The following GALNT13 variants were observed in gnomAD, a reference collection of about 807,000 sequenced individuals.
GALNT13 encodes the protein polypeptide N-acetylgalactosaminyltransferase 13.
A neutral mutation model predicts 64.2 loss-of-function variants in GALNT13; 28 were observed. The observed-to-expected ratio is 0.44, with a 90% CI of 0.32 to 0.60. GALNT13 has a LOEUF of 0.60. GALNT13 is among the 20% of genes least tolerant of loss of function. The pLI, the probability that GALNT13 is intolerant of heterozygous loss-of-function variation, is 0.05. For missense variants in GALNT13, 577 were observed against 669.8 expected, an observed-to-expected ratio of 0.86 and a Z score of 1.53; for synonymous variants, 214 against 224.6, an observed-to-expected ratio of 0.95 and a Z score of 0.42.
At chr2:154,129,969 CA>C (rs1193134552) in intron 3 of GALNT13, among the ~76,000 whole-genome samples, 2 of 152,078 alleles carry the variant, frequency 1.3e-5, no homozygotes, top group African/African-American at 4.8e-5. Context: ...ACACAGTGCT[CA>C]GTCAAATTTC....
the GALNT13 span, among the ~76,000 whole-genome samples, chr2:153,828,941 A>G: frequency 6.6e-6 from 1 of 152,118 alleles, no homozygotes; most frequent in Non-Finnish European, 1.5e-5. Flanking sequence ...AATTCCACAA[A>G]TCTCTCAGGC....
At chr2:154,142,885 C>T (rs1343076188) in intron 4 of GALNT13, among the ~76,000 whole-genome samples, 1 of 151,616 alleles carries the variant, frequency 6.6e-6, no homozygotes, top group Non-Finnish European at 1.5e-5. Context: ...TTTAAAAGTA[C>T]ATACAATAAG....
intron 3 of GALNT13, among the ~76,000 whole-genome samples, chr2:154,086,784 A>ACG (rs1488940909): frequency 6.7e-6 from 1 of 149,306 alleles, no homozygotes; most frequent in Admixed American, 6.7e-5. Context: ...ACACACACAC[A>ACG]CGCGCACGCG....
chr2:153,436,245 G>A, the GALNT13 span, among the ~76,000 whole-genome samples: 2 of 152,140 alleles, frequency 1.3e-5, no homozygotes, highest in Non-Finnish European at 2.9e-5. Context: ...TTTTATTGAG[G>A]ATTTTTGCAT....
the GALNT13 span, among the ~76,000 whole-genome samples, chr2:153,266,318 C>T: frequency 9.2e-5 from 14 of 152,138 alleles, no homozygotes; most frequent in Non-Finnish European, 1.6e-4. Context: ...TTAGAGAAAA[C>T]GTGCTTCCCT....
At chr2:153,451,320 ATGTAACATCATT>A in the GALNT13 span, among the ~76,000 whole-genome samples, 2 of 152,168 alleles carry the variant, frequency 1.3e-5, no homozygotes, top group African/African-American at 4.8e-5. Flanking sequence ...TCCAACCCAT[ATGTAACATCATT>A]TATTGTCACA....
At chr2:154,217,166 A>T (rs1344214986) in intron 4 of GALNT13, among the ~76,000 whole-genome samples, 1 of 151,992 alleles carries the variant, frequency 6.6e-6, no homozygotes, top group East Asian at 1.9e-4. Flanking sequence ...TTGGGGATTT[A>T]AAAAATATAC....
At chr2:153,371,308 T>C in the GALNT13 span, among the ~76,000 whole-genome samples, 2 of 152,200 alleles carry the variant, frequency 1.3e-5, no homozygotes, top group Non-Finnish European at 2.9e-5. Context: ...ACTACTCATA[T>C]TTAATATTGT....
At chr2:153,265,704 T>C in the GALNT13 span, among the ~76,000 whole-genome samples, 3 of 152,146 alleles carry the variant, frequency 2.0e-5, no homozygotes, top group South Asian at 6.2e-4. Context: ...TTCATTTTGG[T>C]GTTCCTGTGC....
the GALNT13 span, among the ~76,000 whole-genome samples, chr2:153,302,237 C>A: frequency 4.1e-4 from 63 of 152,202 alleles, 2 homozygotes; most frequent in South Asian, 0.013. Context: ...TTGATAATAG[C>A]CATTCTAACA....
intron 4 of GALNT13, among the ~76,000 whole-genome samples, chr2:154,194,850 T>C (rs1281461478): frequency 7.0e-6 from 1 of 143,664 alleles, no homozygotes; most frequent in African/African-American, 2.6e-5. Context: ...GCCTGGACTC[T>C]AGAGCTGTAT....
the GALNT13 span, among the ~76,000 whole-genome samples, chr2:153,125,545 G>A: frequency 1.3e-4 from 20 of 152,294 alleles, no homozygotes; most frequent in East Asian, 3.9e-3. Context: ...TGACTTGACT[G>A]CATTAATATA....
chr2:153,322,299 T>A, the GALNT13 span, among the ~76,000 whole-genome samples: 1 of 152,126 alleles, frequency 6.6e-6, no homozygotes, highest in African/African-American at 2.4e-5. Flanking sequence ...TTCCTTAGGA[T>A]AATGGCCTCC....
chr2:154,249,212 A>G (rs1013942304), intron 7 of GALNT13, among the ~76,000 whole-genome samples: 2 of 152,206 alleles, frequency 1.3e-5, no homozygotes, highest in Non-Finnish European at 2.9e-5. Flanking sequence ...ATACAAAAAC[A>G]AACATACAAA....
At chr2:154,007,378 T>C (rs952191882) in intron 3 of GALNT13, among the ~76,000 whole-genome samples, 2 of 152,066 alleles carry the variant, frequency 1.3e-5, no homozygotes, top group African/African-American at 4.8e-5. Context: ...CCTGAGCTGA[T>C]GGCATTGATA....
chr2:154,306,755 G>T (rs1198694293), intron 9 of GALNT13, among the ~76,000 whole-genome samples: 1 of 151,980 alleles, frequency 6.6e-6, no homozygotes. Context: ...CGTCTGAGTG[G>T]TATCAGCTGT....
intron 9 of GALNT13, among the ~76,000 whole-genome samples, chr2:154,329,813 T>C (rs1484205296): frequency 6.6e-6 from 1 of 152,028 alleles, no homozygotes; most frequent in African/African-American, 2.4e-5. Flanking sequence ...ACCACACCTC[T>C]GCCTCTTTCC....
At chr2:154,414,034 A>G (rs1037232599) in intron 11 of GALNT13, among the ~76,000 whole-genome samples, 16 of 152,124 alleles carry the variant, frequency 1.1e-4, no homozygotes, top group African/African-American at 3.6e-4. Context: ...TTATTGTTTA[A>G]CATACAATAT....
chr2:154,251,739 G>T (rs953277282), intron 7 of GALNT13, among the ~76,000 whole-genome samples: 3 of 152,114 alleles, frequency 2.0e-5, no homozygotes, highest in African/African-American at 7.2e-5. Context: ...ATTACATTCA[G>T]CATTTAATTA....
Sources: allele counts gnomAD v4.1 joint callset (sites outside exome capture counted in the v4.1 genomes callset), GRCh38; gene constraint gnomAD v4.1.1; transcripts MANE v1.5; gene names NCBI Gene and HGNC (gene_info 2026-07-23, HGNC 2026-07-21).